The following BMPR1A variants were observed in gnomAD, a reference collection of about 807,000 sequenced individuals.
The protein encoded by BMPR1A is bone morphogenetic protein receptor type 1A, also known as bone morphogenetic protein receptor type-1A.
In BMPR1A, 7 loss-of-function variants were observed where a neutral mutation model predicts 66.0. The ratio of observed to expected loss-of-function variants is 0.11; its 90% CI spans 0.06 to 0.20. The LOEUF is 0.20. Among genes scored for constraint, BMPR1A ranks in the 10% least tolerant of loss-of-function variants. The probability of loss-of-function intolerance (pLI) is 1.00; values close to 1 mark genes in which losing one functional copy is unlikely to be tolerated. For synonymous variants in BMPR1A, 200 were observed against 229.7 expected, an observed-to-expected ratio of 0.87 and a Z score of 1.17; for missense variants, 408 against 669.1, an observed-to-expected ratio of 0.61 and a Z score of 4.31.
intron 1 of BMPR1A, among the ~76,000 whole-genome samples, chr10:86,838,594 GTT>G (rs11336478): frequency 3.6e-4 from 50 of 140,636 alleles, no homozygotes; most frequent in Admixed American, 1.2e-3. Flanking sequence ...ATTGAGATGA[GTT>G]TTTTTTTTTT....
chr10:86,761,407 G>A (rs1457561916), intron 1 of BMPR1A, among the ~76,000 whole-genome samples: 1 of 152,210 alleles, frequency 6.6e-6, no homozygotes. Flanking sequence ...ATTGGCTGTT[G>A]ACTTATGAAG....
intron 2 of BMPR1A, among the ~76,000 whole-genome samples, chr10:86,863,818 G>A (rs1225958638): frequency 6.6e-6 from 1 of 151,954 alleles, no homozygotes; most frequent in African/African-American, 2.4e-5. Context: ...TGAGATCTTA[G>A]GGGAAATCTT....
At chr10:86,821,425 G>A (rs17107089) in intron 1 of BMPR1A, among the ~76,000 whole-genome samples, 6,479 of 152,144 alleles carry the variant, frequency 0.043, 172 homozygotes, top group South Asian at 0.1. Flanking sequence ...TTGTTCTGCC[G>A]TCATTAAGCG....
chr10:86,769,196 A>G (rs972502224), intron 1 of BMPR1A, among the ~76,000 whole-genome samples: 2 of 152,196 alleles, frequency 1.3e-5, no homozygotes, highest in African/African-American at 4.8e-5. Flanking sequence ...TGCTTTGTAC[A>G]TCAAGAATTG....
chr10:86,838,464 G>GA lies in BMPR1A; in HGVS notation c.-267-395dup, dbSNP rs1842381286. On this transcript the variant is annotated intron_variant, in intron 1 of 12. Coordinates refer to ENST00000372037, the MANE Select transcript of BMPR1A (RefSeq NM_004329.3). ...TATTAGACTTTGTAATACAAAAGTA[G>GA]AAAAAAGTGATATTAGCTAGGTGGT... Among the ~76,000 whole-genome samples the GA allele has an allele frequency of 2.0e-5, 3 of 151,910 alleles. No homozygotes were observed. The South Asian group carries it at 6.2e-4, about 32-fold the overall frequency.
At chr10:86,890,513 G>A (rs182704196) in intron 4 of BMPR1A, among the ~76,000 whole-genome samples, 20 of 151,852 alleles carry the variant, frequency 1.3e-4, no homozygotes, top group African/African-American at 4.1e-4. Context: ...TAAATTTATT[G>A]ATGCTCATTT....
intron 2 of BMPR1A, among the ~76,000 whole-genome samples, chr10:86,863,207 G>T (rs573252772): frequency 6.6e-6 from 1 of 151,982 alleles, no homozygotes; most frequent in Non-Finnish European, 1.5e-5. Flanking sequence ...TGAACTCCCC[G>T]CCTCAAGTGA....
chr10:86,810,615 G>A (rs1841955920), intron 1 of BMPR1A, among the ~76,000 whole-genome samples: 1 of 152,190 alleles, frequency 6.6e-6, no homozygotes, highest in Non-Finnish European at 1.5e-5. Context: ...AGGTGGGTCT[G>A]AAGTATTTTG....
At chr10:86,840,521 T>G (rs1564700278) in intron 2 of BMPR1A, among the ~76,000 whole-genome samples, 1 of 152,144 alleles carries the variant, frequency 6.6e-6, no homozygotes, top group African/African-American at 2.4e-5. Flanking sequence ...TCTTAGAAAT[T>G]ATCCTGTTTT....
intron 1 of BMPR1A, among the ~76,000 whole-genome samples, chr10:86,811,982 G>A (rs1307866315): frequency 1.3e-5 from 2 of 151,942 alleles, no homozygotes; most frequent in African/African-American, 4.8e-5. Context: ...TCGGGAGGCT[G>A]AGATGAGAGG....
chr10:86,909,229 C>G (rs1350712570), intron 7 of BMPR1A, among the ~76,000 whole-genome samples: 1 of 152,026 alleles, frequency 6.6e-6, no homozygotes. Context: ...TTGTCATATT[C>G]CCCAGTGTAA....
chr10:86,924,135 T>C lies in BMPR1A; in HGVS notation c.*416T>C, dbSNP rs1843708213. On this transcript the variant is annotated 3_prime_UTR_variant, in exon 13 of 13. Transcript: ENST00000372037. ...AGACTTTGCCTTTTACCTGAGACTT[T>C]CAGTTCGTTTGTATTCTACCTTTGT... 4 of 354,386 alleles carry C rather than the reference T, an allele frequency of 1.1e-5. No homozygotes were observed. The highest frequency in any genetic ancestry group is 2.1e-5 in the Non-Finnish European group (4 of 191,134). 22.0% of individuals were successfully genotyped at this position (354,386 alleles called of 1,614,324 possible).
chr10:86,812,161 G>C lies in BMPR1A; in HGVS notation c.-267-26704G>C, dbSNP rs376474840. On this transcript the variant is annotated intron_variant, in intron 1 of 12. Coordinates refer to ENST00000372037, the MANE Select transcript of BMPR1A (RefSeq NM_004329.3). ...AACAAACTACAAGTCATTATACAGA[G>C]CAGTTCAGTCACCGGAAAACCTCCT... is the stretch of plus-strand genomic sequence containing the variant. 2.9e-4 allele frequency among the ~76,000 whole-genome samples: 44 copies of C among 152,148 alleles called. No homozygotes were observed. The East Asian group carries it at 5.2e-3, about 18-fold the overall frequency.
chr10:86,872,581 G>A (rs1339008536), intron 2 of BMPR1A, among the ~76,000 whole-genome samples: 2 of 151,922 alleles, frequency 1.3e-5, no homozygotes, highest in African/African-American at 4.8e-5. Context: ...ATGACTACTG[G>A]CACATAGAGG....
At chr10:86,874,179 T>C (rs773773278) in intron 2 of BMPR1A, among the ~76,000 whole-genome samples, 1 of 152,200 alleles carries the variant, frequency 6.6e-6, no homozygotes, top group South Asian at 2.1e-4. Flanking sequence ...ATGATATATA[T>C]CTTGATACTA....
intron 2 of BMPR1A, among the ~76,000 whole-genome samples, chr10:86,858,479 A>T (rs1245919703): frequency 6.6e-6 from 1 of 152,220 alleles, no homozygotes; most frequent in Non-Finnish European, 1.5e-5. Flanking sequence ...AGAAGGAAAT[A>T]AAGGGCATCT....
At chr10:86,784,423 G>A (rs1014547596) in intron 1 of BMPR1A, among the ~76,000 whole-genome samples, 2 of 152,118 alleles carry the variant, frequency 1.3e-5, no homozygotes, top group Non-Finnish European at 2.9e-5. Flanking sequence ...TGTGTGTTGA[G>A]CCATCCTTGC....
At chr10:86,849,401 G>A (rs927669028) in intron 2 of BMPR1A, among the ~76,000 whole-genome samples, 5 of 152,162 alleles carry the variant, frequency 3.3e-5, no homozygotes, top group African/African-American at 1.2e-4. Context: ...GAGCTTAGAT[G>A]CCAACACTTT....
In BMPR1A at chr10:86,923,765, T is replaced by C. The variant is rs765343731; in HGVS notation, c.*46T>C. The C allele has an allele frequency of 6.2e-7, 1 of 1,608,260 alleles. No individual in the cohort carries two copies. Among genetic ancestry groups the C allele is most frequent in the East Asian group, 2.2e-5 (1 of 44,864 alleles). Reference sequence around the variant, plus strand: ...AAACTCTAGACTGCAAGAACTGTTTTTACCCATGGCATGGGTGGAATTAGA... The same window carrying C: ...AAACTCTAGACTGCAAGAACTGTTTCTACCCATGGCATGGGTGGAATTAGA... On this transcript the variant is annotated 3_prime_UTR_variant, in exon 13 of 13. Coordinates refer to ENST00000372037, the MANE Select transcript of BMPR1A (RefSeq NM_004329.3).
Sources: gnomAD v4.1 joint callset for allele counts (sites outside exome capture counted in the v4.1 genomes callset) on GRCh38, gnomAD v4.1.1 for gene constraint, MANE v1.5 for transcripts, NCBI Gene and HGNC (gene_info 2026-07-23, HGNC 2026-07-21) for gene names.